RLF: variants seen among roughly 807,000 people sequenced by gnomAD.
RLF encodes RLF zinc finger, also known as zinc finger protein Rlf.
Under a neutral mutation model 162.9 loss-of-function variants are expected in RLF, and 7 were observed. The observed-to-expected ratio is 0.04, with a 90% confidence interval of 0.02 to 0.08. The LOEUF (loss-of-function observed/expected upper bound fraction) is 0.08, where lower values mean the gene tolerates loss of function less well. RLF is among the 10% of genes least tolerant of loss of function. The pLI, the probability that RLF is intolerant of heterozygous loss-of-function variation, is 1.00. For missense variants in RLF, 1,664 were observed against 2,244.7 expected (o/e 0.74, Z 5.23); for synonymous variants, 782 against 791.5 (o/e 0.99, Z 0.20).
intron 3 of RLF, among the ~76,000 whole-genome samples, chr1:40,194,703 T>A (rs1642605698): frequency 6.6e-6 from 1 of 151,964 alleles, no homozygotes; most frequent in East Asian, 1.9e-4. Context: ...ACTCCAAATA[T>A]CCAACAGTAA....
intron 3 of RLF, among the ~76,000 whole-genome samples, chr1:40,192,956 T>C (rs539897315): frequency 9.1e-4 from 139 of 152,278 alleles, no homozygotes; most frequent in African/African-American, 3.1e-3. Flanking sequence ...AACTTGGTTT[T>C]TTACATAATA....
At chr1:40,205,313 G>T (rs1642775482) in intron 5 of RLF, among the ~76,000 whole-genome samples, 1 of 151,896 alleles carries the variant, frequency 6.6e-6, no homozygotes, top group African/African-American at 2.4e-5. Context: ...TCCAGCCTGG[G>T]CAACAGAACA....
intron 1 of RLF, among the ~76,000 whole-genome samples, chr1:40,176,159 T>C (rs1642322614): frequency 1.3e-5 from 2 of 152,242 alleles, no homozygotes; most frequent in South Asian, 4.1e-4. Flanking sequence ...GACATTTGAA[T>C]TGTTTCCAGT....
chr1:40,240,288 T>C lies in RLF; in HGVS notation c.5586T>C (p.Val1862=), dbSNP rs1348988220. The C allele has an allele frequency of 1.2e-6, 2 of 1,614,058 alleles. No individual in the cohort carries two copies. The highest frequency in any genetic ancestry group is 2.7e-5 in the African/African-American group (2 of 74,924). ...TTVPSLENLR[V]VLDKALTDCG... ...TTCCTTCCTTGGAAAACCTGAGGGT[T>C]GTATTGGACAAAGCATTAACAGACT... The change falls in exon 8 of 8, where the codon GTT becomes GTC. Residue 1862 remains valine (V), a synonymous_variant. Coordinates refer to ENST00000372771, the MANE Select transcript of RLF (RefSeq NM_012421.4).
chr1:40,235,726 T>C (rs1484954085), intron 7 of RLF, 66 bp from the exon 8 acceptor site: 4 of 1,161,278 alleles, frequency 3.4e-6, no homozygotes, highest in Non-Finnish European at 4.7e-6. Flanking sequence ...AAATTCCTTA[T>C]CAGTGAAAGT....
intron 1 of RLF, among the ~76,000 whole-genome samples, chr1:40,188,093 G>A (rs931493963): frequency 2.0e-5 from 3 of 152,076 alleles, no homozygotes; most frequent in Non-Finnish European, 2.9e-5. Flanking sequence ...CATACTTCAC[G>A]TCTTAACTAG....
chr1:40,194,807 G>GTTATTTAT lies in RLF; in HGVS notation c.475-788_475-781dup, dbSNP rs56209515. Among the ~76,000 whole-genome samples the GTTATTTAT allele has an allele frequency of 2.6e-3, 372 of 144,140 alleles. 2 individuals carry two copies. The highest frequency in any genetic ancestry group is 3.6e-3 in the Non-Finnish European group (238 of 65,980). The allele number at this position is 144,140 out of a possible 152,430, so 94.6% of individuals were successfully genotyped here. A position where few individuals can be genotyped will look rare whatever the true frequency, so the allele number is the denominator to read the frequency against. On this transcript the variant is annotated intron_variant, in intron 3 of 7. Coordinates refer to ENST00000372771, the MANE Select transcript of RLF (RefSeq NM_012421.4). ...TCTTTTACTTAGTGAAAACATCCTA[G>GTTATTTAT]TTATTTATTTATTTATTTATTTATT...
intron 1 of RLF, among the ~76,000 whole-genome samples, chr1:40,165,883 T>TA (rs1223730827): frequency 6.6e-6 from 1 of 152,152 alleles, no homozygotes; most frequent in Non-Finnish European, 1.5e-5. Flanking sequence ...CCAGCCTCAT[T>TA]AAAAAAGTTG....
At chr1:40,175,010 G>A (rs1642300397) in intron 1 of RLF, among the ~76,000 whole-genome samples, 1 of 152,048 alleles carries the variant, frequency 6.6e-6, no homozygotes, top group South Asian at 2.1e-4. Context: ...GACCAAGACT[G>A]GGCAACGTAG....
At chr1:40,178,515 T>G (rs1442341336) in intron 1 of RLF, among the ~76,000 whole-genome samples, 1 of 151,890 alleles carries the variant, frequency 6.6e-6, no homozygotes, top group Non-Finnish European at 1.5e-5. Flanking sequence ...TGTGAATACT[T>G]AATACCACAG....
chr1:40,240,734 C>A lies in RLF; in HGVS notation c.*287C>A. On this transcript the variant is annotated 3_prime_UTR_variant, in exon 8 of 8. Coordinates refer to ENST00000372771, the MANE Select transcript of RLF (RefSeq NM_012421.4). ...CAAAATATACTGGGGCTTCCTTTTTCAAATTAAGTGTGCATGATTGTATAT... is the reference window on the plus strand; with the variant it reads ...CAAAATATACTGGGGCTTCCTTTTTAAAATTAAGTGTGCATGATTGTATAT... 2 of 319,602 alleles carry A rather than the reference C, an allele frequency of 6.3e-6. No homozygotes were observed. The highest frequency in any genetic ancestry group is 1.2e-5 in the Non-Finnish European group (2 of 169,940). 19.8% of individuals were successfully genotyped at this position (319,602 alleles called of 1,614,324 possible). A position where few individuals can be genotyped will look rare whatever the true frequency, so the allele number is the denominator to read the frequency against.
intron 6 of RLF, among the ~76,000 whole-genome samples, chr1:40,225,713 A>G (rs1340506807): frequency 6.6e-6 from 1 of 151,544 alleles, no homozygotes. Flanking sequence ...TGTCTCTACT[A>G]AAAATACGGA....
chr1:40,221,332 CAAGAT>C (rs1331402264), intron 5 of RLF, among the ~76,000 whole-genome samples: 1 of 149,268 alleles, frequency 6.7e-6, no homozygotes, highest in East Asian at 1.9e-4. Context: ...AAAAAAAAAA[CAAGAT>C]AATACAGTAA....
At chr1:40,210,853 AGAT>A (rs1338391755) in intron 5 of RLF, among the ~76,000 whole-genome samples, 1 of 152,194 alleles carries the variant, frequency 6.6e-6, no homozygotes, top group African/African-American at 2.4e-5. Context: ...GAGTCTGGGA[AGAT>A]GATAAGCTTT....
Position 40,239,017 on chromosome 1 carries a change from C to G in RLF, c.4315C>G (p.His1439Asp). The G allele has an allele frequency of 6.2e-7, 1 of 1,614,188 alleles. No homozygotes were observed. The highest frequency in any genetic ancestry group is 1.1e-5 in the South Asian group (1 of 91,082). ...ACAGCATAATATTGAAGGGGAAATA[C>G]ATTCAGATTATGAAATTCATTGTGA... ...MEQHNIEGEIHSDYEIHCDLN... is the reference protein window; with the variant it reads ...MEQHNIEGEIDSDYEIHCDLN... The change falls in exon 8 of 8, where the codon CAT becomes GAT. Residue 1439 changes from histidine (H) to aspartate (D), a missense_variant. Coordinates refer to ENST00000372771, the MANE Select transcript of RLF (RefSeq NM_012421.4).
intron 5 of RLF, among the ~76,000 whole-genome samples, chr1:40,220,501 T>C (rs1254916740): frequency 6.6e-6 from 1 of 152,186 alleles, no homozygotes; most frequent in Non-Finnish European, 1.5e-5. Flanking sequence ...GTCCCCAAAT[T>C]TGAGTTAGAT....
At position 40,231,590 on chromosome 1, in the gene RLF, C is replaced by T. The variant is rs1485293340; in HGVS notation, c.1021C>T (p.Arg341Cys). 1.1e-5 allele frequency: 17 copies of T among 1,613,922 alleles called. No homozygotes were observed. The highest frequency in any genetic ancestry group is 1.4e-5 in the Non-Finnish European group (17 of 1,179,906). ...PSLDTFLERC[R>C]QFGVIAKTQQ... ...TTTAGATACTTTTTTGGAGCGCTGTCGTCAGTTTGGTGTCATAGCTAAAAC... is the reference window on the plus strand; with the variant it reads ...TTTAGATACTTTTTTGGAGCGCTGTTGTCAGTTTGGTGTCATAGCTAAAAC... Residue 341 changes from arginine (R) to cysteine (C), a missense_variant, in exon 7 of 8, where the codon CGT becomes TGT. Physicochemically the swap from Arg to Cys is radical, Grantham distance 180. Transcript: ENST00000372771.
intron 5 of RLF, among the ~76,000 whole-genome samples, chr1:40,221,899 C>CAAAAAAAAAAAAAAAAAAAAAAAAAAA (rs895455745): frequency 7.7e-5 from 5 of 65,036 alleles, no homozygotes; most frequent in Non-Finnish European, 1.5e-4. Flanking sequence ...GACTCCGTCT[C>CAAAAAAAAAAAAAAAAAAAAAAAAAAA]AAAAAAAAAA....
intron 5 of RLF, among the ~76,000 whole-genome samples, chr1:40,215,590 G>A (rs1642915384): frequency 6.6e-6 from 1 of 151,886 alleles, no homozygotes; most frequent in Non-Finnish European, 1.5e-5. Flanking sequence ...ATTTTGTTTT[G>A]TTGTTTTTGA....
Sources: gnomAD v4.1 joint callset for allele counts (sites outside exome capture counted in the v4.1 genomes callset) on GRCh38, gnomAD v4.1.1 for gene constraint, MANE v1.5 for transcripts, NCBI Gene and HGNC (gene_info 2026-07-23, HGNC 2026-07-21) for gene names.